The following GALNTL6 variants were observed in gnomAD, a reference collection of about 807,000 sequenced individuals.
GALNTL6 encodes the protein polypeptide N-acetylgalactosaminyltransferase-like 6.
In GALNTL6, 46 loss-of-function variants were observed where a neutral mutation model predicts 73.7. That is an observed-to-expected ratio of 0.62 (90% CI 0.49 to 0.80). The LOEUF (loss-of-function observed/expected upper bound fraction) is 0.80, where lower values mean the gene tolerates loss of function less well. Among genes scored for constraint, GALNTL6 ranks in the 30% least tolerant of loss-of-function variants. The probability of loss-of-function intolerance (pLI) is 0.00; values close to 1 mark genes in which losing one functional copy is unlikely to be tolerated. For missense variants in GALNTL6, 604 were observed against 755.0 expected, an observed-to-expected ratio of 0.80 and a Z score of 2.34; for synonymous variants, 259 against 263.7, an observed-to-expected ratio of 0.98 and a Z score of 0.17.
At chr4:172,568,573 G>C (rs942558091) in intron 5 of GALNTL6, among the ~76,000 whole-genome samples, 1 of 151,714 alleles carries the variant, frequency 6.6e-6, no homozygotes, top group Non-Finnish European at 1.5e-5. Context: ...TGGCTAACAC[G>C]GTGAAACCCC....
intron 7 of GALNTL6, among the ~76,000 whole-genome samples, chr4:172,850,572 C>T (rs1743760775): frequency 6.6e-6 from 1 of 152,140 alleles, no homozygotes; most frequent in Non-Finnish European, 1.5e-5. Context: ...CCAGTAGACT[C>T]CAGATGGGCG....
chr4:173,003,837 T>C (rs1008459396), intron 10 of GALNTL6, among the ~76,000 whole-genome samples: 1 of 152,182 alleles, frequency 6.6e-6, no homozygotes, highest in Non-Finnish European at 1.5e-5. Flanking sequence ...TACCAAGTGC[T>C]CCAAGCCCAT....
intron 11 of GALNTL6, among the ~76,000 whole-genome samples, chr4:173,015,276 G>A (rs560990089): frequency 2.4e-4 from 37 of 152,332 alleles, no homozygotes; most frequent in Middle Eastern, 3.4e-3. Context: ...GTAGGGTGCT[G>A]CTATAAGGAT....
chr4:172,414,867 T>C, intron 5 of GALNTL6, among the ~76,000 whole-genome samples: 1 of 152,198 alleles, frequency 6.6e-6, no homozygotes, highest in Non-Finnish European at 1.5e-5. Flanking sequence ...CAGCCTTAAA[T>C]TGACTTTTAT....
chr4:172,498,031 G>A (rs930191512), intron 5 of GALNTL6, among the ~76,000 whole-genome samples: 34 of 122,570 alleles, frequency 2.8e-4, no homozygotes, highest in Admixed American at 2.0e-3. Context: ...TTGCTCTGTC[G>A]CCAGGCTGGA....
intron 5 of GALNTL6, among the ~76,000 whole-genome samples, chr4:172,450,691 G>A (rs2111421062): frequency 6.6e-6 from 1 of 152,286 alleles, no homozygotes; most frequent in Non-Finnish European, 1.5e-5. Context: ...GAAGGTGCCT[G>A]CCATACTGGC....
chr4:172,072,282 A>G (rs913661814), intron 2 of GALNTL6, among the ~76,000 whole-genome samples: 1 of 152,004 alleles, frequency 6.6e-6, no homozygotes, highest in Non-Finnish European at 1.5e-5. Flanking sequence ...TCTTCACAGT[A>G]GATGGTTTGC....
At chr4:172,879,216 C>T (rs1293678094) in intron 7 of GALNTL6, among the ~76,000 whole-genome samples, 1 of 151,762 alleles carries the variant, frequency 6.6e-6, no homozygotes, top group Non-Finnish European at 1.5e-5. Context: ...ATTGATACAT[C>T]AAGGAGACAT....
intron 5 of GALNTL6, among the ~76,000 whole-genome samples, chr4:172,357,435 G>A (rs1390519863): frequency 6.6e-6 from 1 of 152,226 alleles, no homozygotes; most frequent in African/African-American, 2.4e-5. Context: ...GTCTCCAGAA[G>A]ATAAGGGTCA....
chr4:172,797,024 A>G (rs961002733), intron 5 of GALNTL6, among the ~76,000 whole-genome samples: 1 of 152,170 alleles, frequency 6.6e-6, no homozygotes, highest in African/African-American at 2.4e-5. Flanking sequence ...TTATTTTGAG[A>G]TTGGGGACCC....
intron 2 of GALNTL6, among the ~76,000 whole-genome samples, chr4:172,097,218 A>G (rs762925286): frequency 2.6e-5 from 4 of 152,190 alleles, no homozygotes; most frequent in African/African-American, 9.6e-5. Context: ...GGGAAGCAAT[A>G]TTGGATAAAT....
intron 2 of GALNTL6, among the ~76,000 whole-genome samples, chr4:171,886,936 A>G (rs907175275): frequency 6.6e-6 from 1 of 152,222 alleles, no homozygotes. Context: ...AATTCAAGAT[A>G]AAGATTGGCA....
intron 5 of GALNTL6, among the ~76,000 whole-genome samples, chr4:172,682,697 G>A (rs1390534814): frequency 6.6e-6 from 1 of 152,100 alleles, no homozygotes; most frequent in African/African-American, 2.4e-5. Context: ...CAATGAGTGA[G>A]CTGGGTAGTA....
intron 5 of GALNTL6, among the ~76,000 whole-genome samples, chr4:172,426,916 T>TTATATATATATATATATATATA (rs35184907): frequency 1.1e-4 from 17 of 149,370 alleles, no homozygotes; most frequent in African/African-American, 4.0e-4. Context: ...GTAAGGACTC[T>TTATATATATATATATATATATA]TATATATATA....
intron 5 of GALNTL6, among the ~76,000 whole-genome samples, chr4:172,715,367 A>G (rs1227305348): frequency 6.6e-6 from 1 of 152,192 alleles, no homozygotes. Flanking sequence ...TCTGTGATCT[A>G]TGTCTCTATG....
At chr4:172,786,586 C>T (rs1739664399) in intron 5 of GALNTL6, among the ~76,000 whole-genome samples, 1 of 151,794 alleles carries the variant, frequency 6.6e-6, no homozygotes, top group African/African-American at 2.4e-5. Context: ...CTAGGCATGC[C>T]CAAGTTTTCA....
chr4:172,241,066 C>T (rs1173121970), intron 3 of GALNTL6, among the ~76,000 whole-genome samples: 2 of 152,046 alleles, frequency 1.3e-5, no homozygotes, highest in Non-Finnish European at 2.9e-5. Context: ...GGTCTTTATT[C>T]GTAGCTGAAT....
Position 172,206,775 on chromosome 4 carries a change from G to GT in GALNTL6, c.139-22875dup, listed in dbSNP as rs1214874685. On this transcript the variant is annotated intron_variant, in intron 2 of 12. Coordinates refer to ENST00000506823, the MANE Select transcript of GALNTL6 (RefSeq NM_001034845.3). ...ATGCATATCAGAGCAGATGAAACGT[G>GT]TTTTTTGTTTTGTTTTGTTTTGTTT... Among the ~76,000 whole-genome samples, 26 of 79,784 alleles carry GT rather than the reference G, an allele frequency of 3.3e-4. 6 individuals are homozygous for GT. The highest frequency in any genetic ancestry group is 2.4e-3 in the East Asian group (2 of 820). The allele number at this position is 79,784 out of a possible 152,430, so 52.3% of individuals were successfully genotyped here.
At chr4:172,677,890 A>G (rs1421195190) in intron 5 of GALNTL6, among the ~76,000 whole-genome samples, 1 of 152,228 alleles carries the variant, frequency 6.6e-6, no homozygotes, top group Non-Finnish European at 1.5e-5. Context: ...AAAAATTCCG[A>G]AGCAGAGAAT....
Sources: allele counts gnomAD v4.1 joint callset (sites outside exome capture counted in the v4.1 genomes callset), GRCh38; gene constraint gnomAD v4.1.1; transcripts MANE v1.5; gene names NCBI Gene and HGNC (gene_info 2026-07-23, HGNC 2026-07-21).